FABP12: variants seen among roughly 807,000 people sequenced by gnomAD.
FABP12 encodes the protein fatty acid-binding protein 12.
A neutral mutation model predicts 13.7 loss-of-function variants in FABP12; 19 were observed. The ratio of observed to expected loss-of-function variants is 1.39; its 90% CI spans 0.97 to 2.04. FABP12 has a LOEUF of 2.04. Among genes scored for constraint, FABP12 ranks in the 30% most tolerant of loss-of-function variants. FABP12 has a pLI of 0.00. For synonymous variants in FABP12, 61 were observed against 57.0 expected (o/e 1.07, Z -0.32); for missense variants, 182 against 164.2 (o/e 1.11, Z -0.59).
intron 1 of FABP12, among the ~76,000 whole-genome samples, chr8:81,556,879 C>CTTT (rs11338781): frequency 5.7e-4 from 62 of 109,242 alleles, no homozygotes; most frequent in East Asian, 1.1e-3. Context: ...AAGTGTACAT[C>CTTT]TTTTTTTTTT....
At chr8:81,559,280 T>C (rs1281620622) in intron 1 of FABP12, among the ~76,000 whole-genome samples, 1 of 152,214 alleles carries the variant, frequency 6.6e-6, no homozygotes, top group Non-Finnish European at 1.5e-5. Flanking sequence ...GGCTGCACAG[T>C]AGCAGTCCCA....
At chr8:81,582,358 T>C (rs2130106570) in intron 1 of FABP12, among the ~76,000 whole-genome samples, 1 of 152,078 alleles carries the variant, frequency 6.6e-6, no homozygotes, top group Non-Finnish European at 1.5e-5. Context: ...CCTGACCTTG[T>C]GATCCTCCCG....
chr8:81,546,853 G>A (rs1245136005), intron 1 of FABP12, among the ~76,000 whole-genome samples: 3 of 152,168 alleles, frequency 2.0e-5, no homozygotes, highest in South Asian at 4.2e-4. Flanking sequence ...GCCCAACATG[G>A]AGAGCCTCCT....
upstream of FABP12, among the ~76,000 whole-genome samples, chr8:81,536,352 C>A (rs1387592955): frequency 6.6e-6 from 1 of 152,188 alleles, no homozygotes; most frequent in African/African-American, 2.4e-5. Flanking sequence ...AACAGAAGTA[C>A]AGATCTCATA....
intron 1 of FABP12, among the ~76,000 whole-genome samples, chr8:81,582,326 T>A (rs967759645): frequency 3.3e-5 from 5 of 151,930 alleles, no homozygotes; most frequent in Admixed American, 1.3e-4. Context: ...TTTCACTATG[T>A]TGGCCAGGCT....
chr8:81,558,083 C>G (rs757456696), intron 1 of FABP12, among the ~76,000 whole-genome samples: 1 of 152,162 alleles, frequency 6.6e-6, no homozygotes, highest in African/African-American at 2.4e-5. Flanking sequence ...CAAACAGACA[C>G]GAAGATTGCA....
At chr8:81,580,411 C>T (rs138421369) in intron 1 of FABP12, among the ~76,000 whole-genome samples, 11 of 152,228 alleles carry the variant, frequency 7.2e-5, no homozygotes, top group Admixed American at 2.6e-4. Context: ...AACATCTTTG[C>T]TTTGAATATA....
intron 1 of FABP12, among the ~76,000 whole-genome samples, chr8:81,571,436 G>A (rs1429859392): frequency 6.6e-6 from 1 of 152,212 alleles, no homozygotes; most frequent in Non-Finnish European, 1.5e-5. Flanking sequence ...AAGACGTGGG[G>A]CACAGGGGAC....
At chr8:81,559,022 A>G (rs1809670528) in intron 1 of FABP12, among the ~76,000 whole-genome samples, 1 of 152,094 alleles carries the variant, frequency 6.6e-6, no homozygotes. Context: ...CTTACACACT[A>G]CACTCAGCCA....
chr8:81,581,418 G>T (rs1350767888), intron 1 of FABP12, among the ~76,000 whole-genome samples: 2 of 152,240 alleles, frequency 1.3e-5, no homozygotes, highest in East Asian at 3.9e-4. Flanking sequence ...ATCCTGGGGG[G>T]ATAAAGCTCA....
chr8:81,553,172 CTCTT>C (rs994747849), intron 1 of FABP12, among the ~76,000 whole-genome samples: 7 of 152,194 alleles, frequency 4.6e-5, no homozygotes, highest in Non-Finnish European at 1.0e-4. Flanking sequence ...AGGGATTTCT[CTCTT>C]TCTCCAGATA....
chr8:81,547,438 G>A (rs958807291), intron 1 of FABP12, among the ~76,000 whole-genome samples: 4 of 152,170 alleles, frequency 2.6e-5, no homozygotes, highest in Non-Finnish European at 5.9e-5. Context: ...ATTTGATCAC[G>A]TTCCAGTTTC....
chr8:81,556,060 G>T (rs1809609632), intron 1 of FABP12, among the ~76,000 whole-genome samples: 1 of 152,158 alleles, frequency 6.6e-6, no homozygotes, highest in Non-Finnish European at 1.5e-5. Flanking sequence ...CACAAACACA[G>T]TGCCTTGGTA....
At chr8:81,525,149 T>C (rs923420855) in intron 4 of FABP12, 29 bp from the exon 5 acceptor site, 2 of 1,370,772 alleles carry the variant, frequency 1.5e-6, no homozygotes, top group Non-Finnish European at 1.0e-6. Flanking sequence ...ATGAGGTATT[T>C]CAGTATAGTT....
intron 1 of FABP12, among the ~76,000 whole-genome samples, chr8:81,549,480 G>A (rs565165176): frequency 7.9e-5 from 12 of 152,160 alleles, no homozygotes; most frequent in African/African-American, 1.9e-4. Flanking sequence ...AGTGTATAGC[G>A]TTGGTCAATC....
intron 1 of FABP12, among the ~76,000 whole-genome samples, chr8:81,575,350 T>C (rs553616721): frequency 6.6e-6 from 1 of 152,302 alleles, no homozygotes; most frequent in East Asian, 1.9e-4. Context: ...CATGAATTGA[T>C]TGAGGCTCGT....
At chr8:81,576,122 C>T (rs541105297) in intron 1 of FABP12, among the ~76,000 whole-genome samples, 151 of 152,264 alleles carry the variant, frequency 9.9e-4, no homozygotes, top group African/African-American at 3.6e-3. Context: ...CAAAAATACA[C>T]AGCTATAAGA....
rs115178369 is a variant in FABP12 at position 81,582,646 on chromosome 8, C to A, written c.-185+7407G>T. Among the ~76,000 whole-genome samples, 261 of 152,000 alleles carry A rather than the reference C, an allele frequency of 1.7e-3. 3 individuals carry two copies. The highest frequency in any genetic ancestry group is 5.9e-3 in the African/African-American group (243 of 41,474). ...TATAATGATAAAGATATCATTTCAGCAAGAGGTTATGACAATTCTAAACAT... is the reference window on the plus strand; with the variant it reads ...TATAATGATAAAGATATCATTTCAGAAAGAGGTTATGACAATTCTAAACAT... On this transcript the variant is annotated intron_variant, in intron 1 of 5. Coordinates refer to the FABP12 transcript ENST00000692030.
intron 1 of FABP12, among the ~76,000 whole-genome samples, chr8:81,570,489 T>C (rs182631528): frequency 1.3e-5 from 2 of 152,214 alleles, no homozygotes; most frequent in East Asian, 3.9e-4. Context: ...TCCTCTTCGT[T>C]ACCAGGGTGC....
Sources: allele counts gnomAD v4.1 joint callset (sites outside exome capture counted in the v4.1 genomes callset), GRCh38; gene constraint gnomAD v4.1.1; transcripts MANE v1.5; gene names NCBI Gene and HGNC (gene_info 2026-07-23, HGNC 2026-07-21).